PRKCE: variants seen among roughly 807,000 people sequenced by gnomAD.
PRKCE encodes protein kinase C epsilon type.
Under a neutral mutation model 85.4 loss-of-function variants are expected in PRKCE, and 16 were observed. The ratio of observed to expected loss-of-function variants is 0.19; its 90% CI spans 0.13 to 0.28. The LOEUF (loss-of-function observed/expected upper bound fraction) is 0.28, where lower values mean the gene tolerates loss of function less well. PRKCE is among the 10% of genes least tolerant of loss of function. The pLI is 1.00. For synonymous variants in PRKCE, 388 were observed against 371.5 expected (o/e 1.04, Z -0.51); for missense variants, 573 against 975.2 (o/e 0.59, Z 5.49).
intron 2 of PRKCE, among the ~76,000 whole-genome samples, chr2:45,932,530 A>G (rs1158194614): frequency 1.3e-5 from 2 of 152,220 alleles, no homozygotes; most frequent in African/African-American, 4.8e-5. Context: ...CAACAGTCTG[A>G]GAGTTCCAGT....
At chr2:46,015,896 C>T (rs565812132) in intron 10 of PRKCE, among the ~76,000 whole-genome samples, 1 of 152,066 alleles carries the variant, frequency 6.6e-6, no homozygotes, top group Non-Finnish European at 1.5e-5. Context: ...TTGGTGAGTG[C>T]TTTTCGAGAA....
At chr2:45,962,642 C>T (rs553106635) in intron 2 of PRKCE, among the ~76,000 whole-genome samples, 194 of 152,334 alleles carry the variant, frequency 1.3e-3, no homozygotes, top group Non-Finnish European at 2.0e-3. Flanking sequence ...TCCCAACATT[C>T]TCATATCACT....
intron 3 of PRKCE, chr2:45,978,073 A>G (rs1040357412): frequency 3.9e-5 from 6 of 152,280 alleles, no homozygotes; most frequent in African/African-American, 1.2e-4. Context: ...CTGAGATGAT[A>G]TAGCTCAGAG....
rs202106498 is a variant in PRKCE at position 45,821,201 on chromosome 2, A to AG, written c.349-21796dup. On this transcript the variant is annotated intron_variant, in intron 1 of 14. Coordinates refer to ENST00000306156, the MANE Select transcript of PRKCE (RefSeq NM_005400.3). ...TAGAAGTTGGTGATTGATGGAAAGG[A>AG]GGGACAGCATTTAAAAATATTATTT... 2.4e-4 allele frequency among the ~76,000 whole-genome samples: 36 copies of AG among 152,328 alleles called. No individual in the cohort carries two copies. In the East Asian group the frequency reaches 6.9e-3, roughly 29 times the overall value.
chr2:45,945,254 AC>A (rs1409284052), intron 2 of PRKCE, among the ~76,000 whole-genome samples: 1 of 152,218 alleles, frequency 6.6e-6, no homozygotes, highest in African/African-American at 2.4e-5. Context: ...TGCAGGCTGT[AC>A]AAGCATGGCA....
chr2:46,038,215 A>G (rs1707996094), intron 10 of PRKCE, among the ~76,000 whole-genome samples: 1 of 152,216 alleles, frequency 6.6e-6, no homozygotes, highest in African/African-American at 2.4e-5. Context: ...TTTGCATTTA[A>G]AATTCATTTT....
chr2:45,801,779 G>C (rs1687888682), intron 1 of PRKCE, among the ~76,000 whole-genome samples: 1 of 152,262 alleles, frequency 6.6e-6, no homozygotes, highest in Middle Eastern at 3.4e-3. Flanking sequence ...CATGGGACAG[G>C]TTGCCAAACC....
At chr2:45,978,758 C>A in intron 3 of PRKCE, 1 of 540,712 alleles carries the variant, frequency 1.8e-6, no homozygotes, top group East Asian at 3.1e-5. Context: ...TGATGCTGAC[C>A]AAACCTTGCA....
intron 2 of PRKCE, among the ~76,000 whole-genome samples, chr2:45,946,938 T>C (rs1189034780): frequency 6.6e-6 from 1 of 152,240 alleles, no homozygotes; most frequent in Non-Finnish European, 1.5e-5. Flanking sequence ...TGCTGACTGA[T>C]GTCAGCAAAC....
In PRKCE at chr2:45,837,604, C is replaced by G. The variant is rs1008106473; in HGVS notation, c.349-5396C>G. 7.2e-5 allele frequency among the ~76,000 whole-genome samples: 11 copies of G among 152,188 alleles called. No homozygotes were observed. The South Asian group carries it at 8.3e-4, about 11-fold the overall frequency. ...CCAGTCCGGCTCCAGGGGTCTCATG[C>G]ACAGACATAGGTGTGAATGGCACCT... On this transcript the variant is annotated intron_variant, in intron 1 of 14. Coordinates refer to ENST00000306156, the MANE Select transcript of PRKCE (RefSeq NM_005400.3).
chr2:45,839,810 C>G (rs1691199789), intron 1 of PRKCE, among the ~76,000 whole-genome samples: 2 of 152,254 alleles, frequency 1.3e-5, no homozygotes, highest in African/African-American at 4.8e-5. Context: ...GCTTGGCTAG[C>G]TGGGGCTTGG....
At chr2:45,833,053 C>A (rs1179014951) in intron 1 of PRKCE, among the ~76,000 whole-genome samples, 3 of 150,302 alleles carry the variant, frequency 2.0e-5, no homozygotes, top group African/African-American at 7.3e-5. Context: ...TGTGGTGGCT[C>A]ATGCCTGTAA....
chr2:45,992,666 TG>T (rs1316988743), intron 6 of PRKCE, among the ~76,000 whole-genome samples: 1 of 152,260 alleles, frequency 6.6e-6, no homozygotes, highest in Middle Eastern at 3.2e-3. Flanking sequence ...TACATGGGCC[TG>T]GGCCCCTCCT....
At chr2:45,904,350 T>G (rs1000389678) in intron 2 of PRKCE, among the ~76,000 whole-genome samples, 1 of 151,570 alleles carries the variant, frequency 6.6e-6, no homozygotes, top group African/African-American at 2.4e-5. Context: ...CTGAACACTA[T>G]GGGGGTGGCA....
chr2:46,059,146 G>C (rs1056072553), intron 10 of PRKCE, among the ~76,000 whole-genome samples: 2 of 152,036 alleles, frequency 1.3e-5, no homozygotes, highest in Non-Finnish European at 2.9e-5. Flanking sequence ...AGCTACTTGG[G>C]AGGCTGAGCC....
chr2:45,833,184 A>AT (rs1038612549), intron 1 of PRKCE, among the ~76,000 whole-genome samples: 22 of 151,944 alleles, frequency 1.4e-4, no homozygotes, highest in Admixed American at 1.0e-3. Flanking sequence ...ATAACTGAAT[A>AT]TTTTTTGTGA....
chr2:46,084,267 T>A (rs1427052580), intron 10 of PRKCE, among the ~76,000 whole-genome samples: 2 of 152,204 alleles, frequency 1.3e-5, no homozygotes, highest in African/African-American at 4.8e-5. Flanking sequence ...GTAGTTTGAA[T>A]TAGTAACAAT....
At chr2:45,967,732 G>T (rs1265841033) in intron 2 of PRKCE, among the ~76,000 whole-genome samples, 1 of 151,950 alleles carries the variant, frequency 6.6e-6, no homozygotes, top group African/African-American at 2.4e-5. Context: ...ATCCAACATG[G>T]GTCTGTGCTG....
intron 11 of PRKCE, among the ~76,000 whole-genome samples, chr2:46,135,026 C>A (rs1274657908): frequency 6.6e-6 from 1 of 152,194 alleles, no homozygotes; most frequent in Non-Finnish European, 1.5e-5. Context: ...CAGGTACAGC[C>A]ACAGGCTGTT....
Sources: allele counts gnomAD v4.1 joint callset (sites outside exome capture counted in the v4.1 genomes callset), GRCh38; gene constraint gnomAD v4.1.1; transcripts MANE v1.5; gene names NCBI Gene and HGNC (gene_info 2026-07-23, HGNC 2026-07-21).